The following INTS4 variants were observed in gnomAD, a reference collection of about 807,000 sequenced individuals.
The protein encoded by INTS4 is integrator complex subunit 4, also known as MSTP093.
A neutral mutation model predicts 119.5 loss-of-function variants in INTS4; 70 were observed. The observed-to-expected ratio is 0.59, with a 90% CI of 0.48 to 0.71. INTS4 has a LOEUF of 0.71. Among genes scored for constraint, INTS4 ranks in the 30% least tolerant of loss-of-function variants. The pLI, the probability that INTS4 is intolerant of heterozygous loss-of-function variation, is 0.00. For missense variants in INTS4, 867 were observed against 1,173.2 expected (o/e 0.74, Z 3.81); for synonymous variants, 316 against 419.6 (o/e 0.75, Z 3.02).
At chr11:77,982,458 C>A (rs1168981049) in intron 2 of INTS4, among the ~76,000 whole-genome samples, 1 of 152,064 alleles carries the variant, frequency 6.6e-6, no homozygotes, top group Non-Finnish European at 1.5e-5. Flanking sequence ...TTTTGAATCA[C>A]CAGATCCTGA....
chr11:77,964,478 G>A (rs866399600), intron 4 of INTS4, among the ~76,000 whole-genome samples: 13 of 152,154 alleles, frequency 8.5e-5, no homozygotes, highest in African/African-American at 2.9e-4. Flanking sequence ...GGAGGCTGAG[G>A]CAGGAGAACG....
At chr11:77,960,709 G>A (rs1213876645) in intron 5 of INTS4, among the ~76,000 whole-genome samples, 1 of 151,952 alleles carries the variant, frequency 6.6e-6, no homozygotes, top group Non-Finnish European at 1.5e-5. Context: ...CAAGTCGAAG[G>A]AATTATAACA....
intron 14 of INTS4, among the ~76,000 whole-genome samples, chr11:77,920,232 C>T (rs4944180): frequency 7.0e-5 from 1 of 14,386 alleles, no homozygotes; most frequent in Non-Finnish European, 1.4e-4. Flanking sequence ...CATATACATA[C>T]ATATATACAT....
rs181958388 is a variant in INTS4 at position 77,923,439 on chromosome 11, T to C, written c.1515-968A>G. On this transcript the variant is annotated intron_variant, in intron 12 of 22. Coordinates refer to ENST00000534064, the MANE Select transcript of INTS4 (RefSeq NM_033547.4). ...CACTTGTTATGAAAAAACAGACTTATTGGCTAAGATATTTTTAATCAGATT... is the reference window on the plus strand; with the variant it reads ...CACTTGTTATGAAAAAACAGACTTACTGGCTAAGATATTTTTAATCAGATT... Among the ~76,000 whole-genome samples the C allele has an allele frequency of 1.2e-4, 19 of 152,234 alleles. No individual in the cohort carries two copies. The East Asian group carries it at 3.3e-3, about 26-fold the overall frequency.
intron 4 of INTS4, among the ~76,000 whole-genome samples, chr11:77,961,422 C>T (rs1018641325): frequency 6.6e-6 from 1 of 152,076 alleles, no homozygotes; most frequent in Non-Finnish European, 1.5e-5. Context: ...AGAGTAGGTA[C>T]TTTAAAATTC....
chr11:77,882,640 C>A lies in INTS4; in HGVS notation c.2713+1192G>T, dbSNP rs373732521. Among the ~76,000 whole-genome samples, 99 of 152,334 alleles carry A rather than the reference C, an allele frequency of 6.5e-4. 2 individuals carry two copies. Among genetic ancestry groups the A allele is most frequent in the African/African-American group, 2.4e-3 (98 of 41,570 alleles). On this transcript the variant is annotated intron_variant, in intron 22 of 22. Transcript: ENST00000534064. ...GGAATGAGGAATACTCAGGGAAGCA[C>A]GTCCTGGGTAGCAGAACTGCTGGAT...
In INTS4 at chr11:77,994,493, G is replaced by C. The variant is rs1012390935; in HGVS notation, c.54+97C>G. ...TTATCAACAAGTCAGCACTTAACAC[G>C]GGCGTATGGAGCCTCTTCTGTTCCG... On this transcript the variant is annotated intron_variant, in intron 1 of 22. Coordinates refer to ENST00000534064, the MANE Select transcript of INTS4 (RefSeq NM_033547.4). 8.6e-6 allele frequency: 8 copies of C among 928,010 alleles called. No homozygotes were observed. The African/African-American group carries it at 1.3e-4, about 15-fold the overall frequency. 57.5% of individuals were successfully genotyped at this position (928,010 alleles called of 1,614,324 possible). A position where few individuals can be genotyped will look rare whatever the true frequency, so the allele number is the denominator to read the frequency against.
intron 10 of INTS4, among the ~76,000 whole-genome samples, chr11:77,930,104 T>C (rs1181672491): frequency 6.6e-6 from 1 of 152,182 alleles, no homozygotes. Flanking sequence ...AGATGAGAAA[T>C]GAGTAAGACA....
intron 4 of INTS4, among the ~76,000 whole-genome samples, chr11:77,966,167 ACTT>A (rs1855496661): frequency 1.3e-5 from 2 of 152,246 alleles, no homozygotes; most frequent in South Asian, 4.2e-4. Flanking sequence ...TGTTGTTGCT[ACTT>A]AGTTGAATTC....
chr11:77,920,818 C>G (rs1953341929), intron 14 of INTS4, among the ~76,000 whole-genome samples: 1 of 151,838 alleles, frequency 6.6e-6, no homozygotes, highest in African/African-American at 2.4e-5. Flanking sequence ...TGCCACTGCA[C>G]TTCAGCCTGG....
intron 21 of INTS4, among the ~76,000 whole-genome samples, chr11:77,888,446 T>A (rs1451463361): frequency 6.6e-6 from 1 of 152,188 alleles, no homozygotes; most frequent in Non-Finnish European, 1.5e-5. Context: ...AAGACTTACA[T>A]GTTACACCTA....
downstream of INTS4, among the ~76,000 whole-genome samples, chr11:77,876,762 C>T (rs528865127): frequency 2.0e-5 from 3 of 152,248 alleles, no homozygotes; most frequent in African/African-American, 7.2e-5. Context: ...TGGCTTTGTC[C>T]CTTAGGAGAC....
intron 18 of INTS4, among the ~76,000 whole-genome samples, chr11:77,899,800 C>G (rs1246497613): frequency 6.6e-6 from 1 of 151,922 alleles, no homozygotes; most frequent in East Asian, 1.9e-4. Context: ...GGAGGCAGAA[C>G]AGCAAAGTAT....
chr11:77,885,708 A>C (rs544966602), intron 21 of INTS4, among the ~76,000 whole-genome samples: 32 of 152,018 alleles, frequency 2.1e-4, no homozygotes, highest in African/African-American at 7.7e-4. Context: ...AGTCCCAGCT[A>C]CTTGGGAGGC....
At chr11:77,894,427 C>G (rs1000636029) in intron 18 of INTS4, 78 bp from the exon 19 acceptor site, 37 of 741,042 alleles carry the variant, frequency 5.0e-5, no homozygotes, top group Non-Finnish European at 8.1e-5. Flanking sequence ...GAAACCTGAG[C>G]CTAAATTAAA....
rs537007180 is a variant in INTS4, at chr11:77,900,389, A to G, written c.2228+1032T>C. 2.1e-3 allele frequency among the ~76,000 whole-genome samples: 324 copies of G among 152,218 alleles called. 1 individual carries two copies. Among genetic ancestry groups the G allele is most frequent in the South Asian group, 4.2e-3 (20 of 4,812 alleles). On this transcript the variant is annotated intron_variant, in intron 18 of 22. Coordinates refer to ENST00000534064, the MANE Select transcript of INTS4 (RefSeq NM_033547.4). ...GCTGGGATTACAGGTGTGAGCCACC[A>G]CACCCGGCCACATATGAATATCTTT...
intron 3 of INTS4, among the ~76,000 whole-genome samples, chr11:77,979,630 A>G (rs946859042): frequency 1.3e-5 from 2 of 151,992 alleles, no homozygotes; most frequent in Non-Finnish European, 2.9e-5. Context: ...GTGTGCTCCA[A>G]AAATGTTTAG....
chr11:77,937,582 A>G (rs915358603), intron 10 of INTS4, among the ~76,000 whole-genome samples: 19 of 152,110 alleles, frequency 1.2e-4, no homozygotes, highest in Non-Finnish European at 2.2e-4. Context: ...TGTCTCTACA[A>G]AAAATTAAAA....
intron 15 of INTS4, 70 bp downstream of exon 15, chr11:77,918,751 C>T: frequency 3.8e-6 from 6 of 1,564,946 alleles, no homozygotes; most frequent in Middle Eastern, 2.4e-4. Flanking sequence ...GTAACCAACA[C>T]CAGAATTCAG....
Sources: gnomAD v4.1 joint callset for allele counts (sites outside exome capture counted in the v4.1 genomes callset) on GRCh38, gnomAD v4.1.1 for gene constraint, MANE v1.5 for transcripts, NCBI Gene and HGNC (gene_info 2026-07-23, HGNC 2026-07-21) for gene names.